ZNF710: variants seen among roughly 807,000 people sequenced by gnomAD.
ZNF710 encodes zinc finger protein 710.
In ZNF710, 13 loss-of-function variants were observed where a neutral mutation model predicts 50.6. The observed-to-expected ratio is 0.26, with a 90% CI of 0.17 to 0.41. The LOEUF (loss-of-function observed/expected upper bound fraction) is 0.41. ZNF710 is among the 10% of genes least tolerant of loss of function. The pLI is 1.00. For synonymous variants in ZNF710, 383 were observed against 397.0 expected (o/e 0.96, Z 0.42); for missense variants, 721 against 936.6 (o/e 0.77, Z 3.01).
chr15:90,038,525 A>G (rs1324451429), intron 1 of ZNF710, among the ~76,000 whole-genome samples: 10 of 152,212 alleles, frequency 6.6e-5, no homozygotes, highest in African/African-American at 2.4e-4. Context: ...CCACGGTGCC[A>G]TCATCACACC....
In ZNF710 at chr15:90,079,933, C is replaced by A; in HGVS notation, c.*104C>A. 1 of 1,158,760 alleles carries A rather than the reference C, an allele frequency of 8.6e-7. No individual in the cohort carries two copies. Among genetic ancestry groups the A allele is most frequent in the Non-Finnish European group, 1.2e-6 (1 of 851,116 alleles). 71.8% of individuals were successfully genotyped at this position (1,158,760 alleles called of 1,614,324 possible). A position where few individuals can be genotyped will look rare whatever the true frequency, so the allele number is the denominator to read the frequency against. ...TGCAGCCGAGAAACAAGCTACTGCC[C>A]CACTGTTCTGAGCCCTCCCTCCCCG... On this transcript the variant is annotated 3_prime_UTR_variant, in exon 5 of 5. Coordinates refer to ENST00000268154, the MANE Select transcript of ZNF710 (RefSeq NM_198526.4).
chr15:90,062,775 C>CA lies in ZNF710; in HGVS notation c.-28-4334dup, dbSNP rs1900049068. Among the ~76,000 whole-genome samples, 1 of 152,214 alleles carries CA rather than the reference C, an allele frequency of 6.6e-6. No homozygotes were observed. ...GTGTGCGATAGGCAGGCAGAACACA[C>CA]ATGCGAAACGCAGGTAAATTAGATT... On this transcript the variant is annotated intron_variant, in intron 1 of 4. Coordinates refer to ENST00000268154, the MANE Select transcript of ZNF710 (RefSeq NM_198526.4). The surrounding 1 kb of genome is among the most constrained non-coding windows in gnomAD (Gnocchi z 5.6).
chr15:90,037,392 G>C (rs28404802), intron 1 of ZNF710, among the ~76,000 whole-genome samples: 107 of 152,318 alleles, frequency 7.0e-4, no homozygotes, highest in African/African-American at 2.3e-3. Flanking sequence ...TCCTTCCACT[G>C]GGGCTTTTCT....
At chr15:90,073,825 C>T (rs1434229779) in intron 3 of ZNF710, among the ~76,000 whole-genome samples, 2 of 151,784 alleles carry the variant, frequency 1.3e-5, no homozygotes, top group Non-Finnish European at 2.9e-5. Flanking sequence ...CCCTTCTCTA[C>T]TAAACATACA....
At chr15:90,005,091 T>C (rs184558453) in intron 1 of ZNF710, among the ~76,000 whole-genome samples, 200 of 152,356 alleles carry the variant, frequency 1.3e-3, no homozygotes, top group Non-Finnish European at 1.9e-3. Flanking sequence ...ACCCAAGACC[T>C]GAACTGATTT....
intron 4 of ZNF710, among the ~76,000 whole-genome samples, chr15:90,078,121 G>A (rs1286006304): frequency 2.7e-5 from 4 of 150,420 alleles, no homozygotes; most frequent in Non-Finnish European, 5.9e-5. Flanking sequence ...TGAGGCAGGA[G>A]AATCGCTTGA....
At chr15:90,024,351 T>C (rs1056067054) in intron 1 of ZNF710, among the ~76,000 whole-genome samples, 2 of 152,206 alleles carry the variant, frequency 1.3e-5, no homozygotes, top group African/African-American at 4.8e-5. Flanking sequence ...CTGACTCCTA[T>C]GGACCCGGAC....
chr15:90,050,155 G>A (rs932103625), intron 1 of ZNF710, among the ~76,000 whole-genome samples: 1 of 152,226 alleles, frequency 6.6e-6, no homozygotes, highest in Non-Finnish European at 1.5e-5. Flanking sequence ...GAATGAGAGA[G>A]GCATTCTTTA....
rs1457464242 is a variant in ZNF710 at position 90,001,884 on chromosome 15, G to C, written c.-29+270G>C. 5.6e-5 allele frequency among the ~76,000 whole-genome samples: 8 copies of C among 142,512 alleles called. No individual in the cohort carries two copies. The South Asian group carries it at 6.8e-4, about 12-fold the overall frequency. The allele number at this position is 142,512 out of a possible 152,430, so 93.5% of individuals were successfully genotyped here. A position where few individuals can be genotyped will look rare whatever the true frequency, so the allele number is the denominator to read the frequency against. On this transcript the variant is annotated intron_variant, in intron 1 of 4. Coordinates refer to ENST00000268154, the MANE Select transcript of ZNF710 (RefSeq NM_198526.4). The stretch of plus-strand genomic sequence containing the variant: ...AAGAGGGAGAGATGGCGTCTGGGGT[G>C]GGGGGGAGGGAGAGGAGGGGGAGGG...
intron 1 of ZNF710, among the ~76,000 whole-genome samples, chr15:90,061,257 G>A (rs1480128809): frequency 6.6e-6 from 1 of 152,028 alleles, no homozygotes; most frequent in African/African-American, 2.4e-5. Context: ...TGCAACCTTC[G>A]CCTCCTGGGC....
In ZNF710 at chr15:90,062,790, T is replaced by C. The variant is rs924644617; in HGVS notation, c.-28-4320T>C. 6.6e-6 allele frequency among the ~76,000 whole-genome samples: 1 copy of C among 152,010 alleles called. No homozygotes were observed. Among genetic ancestry groups the C allele is most frequent in the Non-Finnish European group, 1.5e-5 (1 of 67,980 alleles). On this transcript the variant is annotated intron_variant, in intron 1 of 4. Coordinates refer to ENST00000268154, the MANE Select transcript of ZNF710 (RefSeq NM_198526.4). The surrounding 1 kb of genome is among the most constrained non-coding windows in gnomAD (Gnocchi z 5.6). Reference sequence around the variant, plus strand: ...GCAGAACACACATGCGAAACGCAGGTAAATTAGATTCCCTCCTCAGCAGAG... The same window carrying C: ...GCAGAACACACATGCGAAACGCAGGCAAATTAGATTCCCTCCTCAGCAGAG...
At chr15:90,013,497 G>A (rs1898369440) in intron 1 of ZNF710, among the ~76,000 whole-genome samples, 1 of 152,212 alleles carries the variant, frequency 6.6e-6, no homozygotes, top group African/African-American at 2.4e-5. Flanking sequence ...TTCTCAGGGA[G>A]GATGTGTGTT....
At chr15:90,005,042 A>C (rs1485407462) in intron 1 of ZNF710, among the ~76,000 whole-genome samples, 1 of 152,186 alleles carries the variant, frequency 6.6e-6, no homozygotes, top group African/African-American at 2.4e-5. Flanking sequence ...TATGTGATTT[A>C]TTTAGGATTG....
chr15:90,014,976 TC>T (rs1898412612), intron 1 of ZNF710, among the ~76,000 whole-genome samples: 1 of 150,488 alleles, frequency 6.6e-6, no homozygotes, highest in Non-Finnish European at 1.5e-5. Context: ...CACCGCAGCC[TC>T]TGTCTTCCAG....
upstream of ZNF710, among the ~76,000 whole-genome samples, chr15:90,000,088 C>G (rs760305983): frequency 5.9e-5 from 9 of 151,986 alleles, no homozygotes; most frequent in Non-Finnish European, 1.2e-4. Context: ...GAGGGCCCGG[C>G]ATCCAGCAGG....
rs1057406476 is a variant in ZNF710, at chr15:90,058,282, T to A, written c.-28-8828T>A. Among the ~76,000 whole-genome samples, 22 of 152,286 alleles carry A rather than the reference T, an allele frequency of 1.4e-4. No individual in the cohort carries two copies. The South Asian group carries it at 4.6e-3, about 32-fold the overall frequency. ...CTTGGGGTGGGGAGGGCCCTCTGGC[T>A]TGATTCACCGGACAAGGTCAGGTCA... On this transcript the variant is annotated intron_variant, in intron 1 of 4. Transcript: ENST00000268154.
intron 1 of ZNF710, among the ~76,000 whole-genome samples, chr15:90,014,186 G>GTCTC (rs928896129): frequency 6.6e-6 from 1 of 152,046 alleles, no homozygotes; most frequent in African/African-American, 2.4e-5. Flanking sequence ...ATGCTCTGAG[G>GTCTC]TCTCTACTTG....
At chr15:90,025,628 A>C (rs1898753578) in intron 1 of ZNF710, 1 of 152,202 alleles carries the variant, frequency 6.6e-6, no homozygotes, top group Non-Finnish European at 1.5e-5. Flanking sequence ...CATTATGGCA[A>C]ACAAAAACTT....
At chr15:90,075,963 A>C (rs530163689) in intron 4 of ZNF710, 1 of 152,298 alleles carries the variant, frequency 6.6e-6, no homozygotes, top group South Asian at 2.1e-4. Flanking sequence ...TTTGAGACCC[A>C]CTGGACCAGA....
Sources: allele counts gnomAD v4.1 joint callset (sites outside exome capture counted in the v4.1 genomes callset), GRCh38; gene constraint gnomAD v4.1.1; non-coding constraint Gnocchi (gnomAD v3.1); transcripts MANE v1.5; gene names NCBI Gene and HGNC (gene_info 2026-07-23, HGNC 2026-07-21).